Variants in LMAN2 observed in about 807,000 individuals in gnomAD.
The protein encoded by LMAN2 is vesicular integral-membrane protein VIP36.
Under a neutral mutation model 39.3 loss-of-function variants are expected in LMAN2, and 22 were observed. The ratio of observed to expected loss-of-function variants is 0.56; its 90% CI spans 0.40 to 0.80. LMAN2 has a LOEUF of 0.80. Among genes scored for constraint, LMAN2 ranks in the 30% least tolerant of loss-of-function variants. The pLI is 0.00. For missense variants in LMAN2, 494 were observed against 505.4 expected, an observed-to-expected ratio of 0.98 and a Z score of 0.22; for synonymous variants, 207 against 207.8, an observed-to-expected ratio of 1.00 and a Z score of 0.03.
intron 2 of LMAN2, among the ~76,000 whole-genome samples, chr5:177,339,933 CAA>C (rs1761527006): frequency 6.6e-6 from 1 of 152,102 alleles, no homozygotes; most frequent in Non-Finnish European, 1.5e-5. Flanking sequence ...ACCCAGATAA[CAA>C]AACCTAGGCC....
intron 6 of LMAN2, among the ~76,000 whole-genome samples, chr5:177,335,477 C>G (rs1019646937): frequency 1.3e-5 from 2 of 152,240 alleles, no homozygotes; most frequent in East Asian, 3.8e-4. Flanking sequence ...CTCCTCCACT[C>G]TGTGCTGGGC....
Position 177,337,318 on chromosome 5 carries a change from A to G in LMAN2, c.675+45T>C, listed in dbSNP as rs754638192. 5.6e-6 allele frequency: 9 copies of G among 1,611,050 alleles called. No individual in the cohort carries two copies. Among genetic ancestry groups the G allele is most frequent in the Non-Finnish European group, 7.6e-6 (9 of 1,179,624 alleles). The stretch of plus-strand genomic sequence containing the variant: ...TGCCCTCCTGAGCCTCTGTGGGACC[A>G]GCACAGGGCCACCAGCTGCCACCCC... On this transcript the variant is annotated intron_variant, in intron 5 of 7. Coordinates refer to ENST00000303127, the MANE Select transcript of LMAN2 (RefSeq NM_006816.3). The surrounding 1 kb of genome is among the most constrained non-coding windows in gnomAD (Gnocchi z 8.2).
At position 177,334,399 on chromosome 5, in the gene LMAN2, A is replaced by G. The variant is rs144479821; in HGVS notation, c.795T>C (p.Asn265=). The change falls in exon 7 of 8, where the codon AAT becomes AAC. Residue 265 remains asparagine (N), a synonymous_variant. Coordinates refer to ENST00000303127, the MANE Select transcript of LMAN2 (RefSeq NM_006816.3). ...ASAGTGDLSD[N]HDIISMKLFQ... ...ACAGCTTCATGGAGATGATGTCATGATTGTCTGCAGGACCAAGAATAAACC... is the reference window on the plus strand; with the variant it reads ...ACAGCTTCATGGAGATGATGTCATGGTTGTCTGCAGGACCAAGAATAAACC... 1.2e-6 allele frequency: 2 copies of G among 1,612,674 alleles called. No homozygotes were observed. Among genetic ancestry groups the G allele is most frequent in the African/African-American group, 2.7e-5 (2 of 74,928 alleles).
intron 2 of LMAN2, among the ~76,000 whole-genome samples, chr5:177,345,732 CATGCATTTATTTATTTATTT>C (rs1466317935): frequency 1.1e-4 from 13 of 117,070 alleles, no homozygotes; most frequent in Non-Finnish European, 2.0e-4. Context: ...GCAGCCATGG[CATGCATTTATTTATTTATTT>C]ATTTATTTAT....
At chr5:177,342,033 G>A (rs1761562401) in intron 2 of LMAN2, among the ~76,000 whole-genome samples, 1 of 151,872 alleles carries the variant, frequency 6.6e-6, no homozygotes, top group South Asian at 2.1e-4. Context: ...ACAGAGAATA[G>A]GCAATTTGAA....
chr5:177,351,079 CA>C (rs1761715236), intron 2 of LMAN2, 93 bp downstream of exon 2: 1 of 1,104,794 alleles, frequency 9.1e-7, no homozygotes, highest in African/African-American at 1.5e-5. Context: ...GACGGAGGTG[CA>C]AACCTATAAA....
At position 177,331,994 on chromosome 5, in the gene LMAN2, A is replaced by G. The variant is rs1423555670; in HGVS notation, c.*92T>C. 7.8e-7 allele frequency: 1 copy of G among 1,280,404 alleles called. No individual in the cohort carries two copies. The highest frequency in any genetic ancestry group is 1.5e-5 in the African/African-American group (1 of 66,714). The allele number at this position is 1,280,404 out of a possible 1,614,324, so 79.3% of individuals were successfully genotyped here. A position where few individuals can be genotyped will look rare whatever the true frequency, so the allele number is the denominator to read the frequency against. ...CATTTATTTGAAACAGTTAAGAAAT[A>G]AGGTCATCTTGTTGTTCTTTTATAA... On this transcript the variant is annotated 3_prime_UTR_variant, in exon 8 of 8. Transcript: ENST00000303127.
chr5:177,337,320 C>A lies in LMAN2; in HGVS notation c.675+43G>T. ...CCCTCCTGAGCCTCTGTGGGACCAGCACAGGGCCACCAGCTGCCACCCCCA... is the reference window on the plus strand; with the variant it reads ...CCCTCCTGAGCCTCTGTGGGACCAGAACAGGGCCACCAGCTGCCACCCCCA... On this transcript the variant is annotated intron_variant, in intron 5 of 7. Coordinates refer to ENST00000303127, the MANE Select transcript of LMAN2 (RefSeq NM_006816.3). The surrounding 1 kb of genome is among the most constrained non-coding windows in gnomAD (Gnocchi z 8.2). The A allele has an allele frequency of 6.2e-7, 1 of 1,610,852 alleles. No individual in the cohort carries two copies. Among genetic ancestry groups the A allele is most frequent in the Non-Finnish European group, 8.5e-7 (1 of 1,179,612 alleles).
At chr5:177,341,064 C>CTTT (rs1298735934) in intron 2 of LMAN2, among the ~76,000 whole-genome samples, 3 of 108,940 alleles carry the variant, frequency 2.8e-5, no homozygotes, top group African/African-American at 4.0e-5. Flanking sequence ...CTTTTTTTTT[C>CTTT]TTTTTTTTTT....
Position 177,351,025 on chromosome 5 carries a change from C to T in LMAN2, c.315+148G>A, listed in dbSNP as rs545526577. On this transcript the variant is annotated intron_variant, in intron 2 of 7. Coordinates refer to ENST00000303127, the MANE Select transcript of LMAN2 (RefSeq NM_006816.3). ...ATAGTAAGTACCCAATACCCATCGC[C>T]TCTTATTATTGGTGGGTGTGACCGA... 5.5e-6 allele frequency: 4 copies of T among 728,152 alleles called. No individual in the cohort carries two copies. In the South Asian group the frequency reaches 6.0e-5, roughly 11 times the overall value. The allele number at this position is 728,152 out of a possible 1,614,324, so 45.1% of individuals were successfully genotyped here. A position where few individuals can be genotyped will look rare whatever the true frequency, so the allele number is the denominator to read the frequency against.
chr5:177,338,369 C>T (rs912782070), intron 3 of LMAN2, 119 bp downstream of exon 3: 6 of 759,660 alleles, frequency 7.9e-6, no homozygotes, highest in Non-Finnish European at 1.4e-5. Flanking sequence ...ACTTTCCTAA[C>T]AGGAGAGGAG....
At chr5:177,342,944 A>C (rs1761579094) in intron 2 of LMAN2, among the ~76,000 whole-genome samples, 1 of 152,166 alleles carries the variant, frequency 6.6e-6, no homozygotes, top group Non-Finnish European at 1.5e-5. Context: ...ATAAGGGATT[A>C]ATATCTAGAA....
chr5:177,338,608 G>A lies in LMAN2; in HGVS notation c.316-3C>T. ...TCCCAGTCTTTGAGGAAGCACGGCT[G>A]GAGGGAGAGCAGAATGGGCTGCTCA... On this transcript the variant is annotated splice_polypyrimidine_tract_variant and splice_region_variant and intron_variant, in intron 2 of 7. Transcript: ENST00000303127. The A allele has an allele frequency of 6.2e-7, 1 of 1,613,748 alleles. No homozygotes were observed. Among genetic ancestry groups the A allele is most frequent in the African/African-American group, 1.3e-5 (1 of 75,054 alleles).
rs766681477 is a variant in LMAN2 at position 177,351,549 on chromosome 5, G to A, written c.99C>T (p.Leu33=). ...LGPGPGPTTP[L]FLLLLLGSVT... is the part of the protein sequence containing the mutation. ...CAGACCCCAACAACAAAAGAAGAAA[G>A]AGAGGTGTAGTGGGGCCAGGGCCGG... The change falls in exon 1 of 8, where the codon CTC becomes CTT. Residue 33 remains leucine (L), a synonymous_variant. Coordinates refer to ENST00000303127, the MANE Select transcript of LMAN2 (RefSeq NM_006816.3). 1.2e-6 allele frequency: 2 copies of A among 1,614,170 alleles called. No individual in the cohort carries two copies. Among genetic ancestry groups the A allele is most frequent in the Non-Finnish European group, 1.7e-6 (2 of 1,180,062 alleles).
Position 177,351,641 on chromosome 5 carries a change from C to T in LMAN2, c.7G>A (p.Ala3Thr), listed in dbSNP as rs777842414. 9 of 1,590,248 alleles carry T rather than the reference C, an allele frequency of 5.7e-6. No homozygotes were observed. In the East Asian group the frequency reaches 1.3e-4, roughly 24 times the overall value. MA[A>T]EGWIWRWGWG... ...CCCCAACGCCAAATCCAGCCTTCCG[C>T]CGCCATTCTCCTCTCCTCTCGGCCA... The change falls in exon 1 of 8, where the codon GCG becomes ACG. Residue 3 changes from alanine (A) to threonine (T), a missense_variant. Physicochemically the swap from Ala to Thr is moderately conservative, Grantham distance 58 (BLOSUM62 0). Transcript: ENST00000303127.
Position 177,334,538 on chromosome 5 carries a change from G to A in LMAN2, c.791-135C>T, listed in dbSNP as rs549118349. Reference sequence around the variant, plus strand: ...CCCCTGGGGAGAGCACTGCCCAGCCGGCTAGGGCCTGTTTTCTTCCCAGCT... The same window carrying A: ...CCCCTGGGGAGAGCACTGCCCAGCCAGCTAGGGCCTGTTTTCTTCCCAGCT... On this transcript the variant is annotated intron_variant, in intron 6 of 7. Coordinates refer to ENST00000303127, the MANE Select transcript of LMAN2 (RefSeq NM_006816.3). 123 of 1,199,226 alleles carry A rather than the reference G, an allele frequency of 1.0e-4. No homozygotes were observed. The African/African-American group carries it at 1.5e-3, about 14-fold the overall frequency. 74.3% of individuals were successfully genotyped at this position (1,199,226 alleles called of 1,614,324 possible). A position where few individuals can be genotyped will look rare whatever the true frequency, so the allele number is the denominator to read the frequency against.
chr5:177,341,464 G>A (rs1021758577), intron 2 of LMAN2, among the ~76,000 whole-genome samples: 5 of 152,320 alleles, frequency 3.3e-5, no homozygotes, highest in African/African-American at 4.8e-5. Flanking sequence ...GCTTCACGGC[G>A]GGAACAGCGG....
chr5:177,350,149 C>G (rs1014343889), intron 2 of LMAN2, among the ~76,000 whole-genome samples: 12 of 151,814 alleles, frequency 7.9e-5, no homozygotes, highest in African/African-American at 2.7e-4. Flanking sequence ...AGGCTCGGGG[C>G]AGGAAGGAGA....
rs750068132 is a variant in LMAN2, at chr5:177,332,244, T to C, written c.913A>G (p.Asn305Asp). 1.1e-5 allele frequency: 17 copies of C among 1,611,892 alleles called. No homozygotes were observed. The highest frequency in any genetic ancestry group is 1.4e-5 in the Non-Finnish European group (17 of 1,179,522). The change falls in exon 8 of 8, where the codon AAC becomes GAC. Residue 305 changes from asparagine to aspartate, a missense_variant and splice_region_variant. Coordinates refer to ENST00000303127, the MANE Select transcript of LMAN2 (RefSeq NM_006816.3). The surrounding 1 kb of genome is among the most constrained non-coding windows in gnomAD (Gnocchi z 6.3). ...AAGTTCCCCGTGGGGTCGTCCACGTTGTCTGGGGGAGAAGAAACGGGGGAG... is the reference window on the plus strand; with the variant it reads ...AAGTTCCCCGTGGGGTCGTCCACGTCGTCTGGGGGAGAAGAAACGGGGGAG... ...SVNFLKSPKD[N>D]VDDPTGNFRS...
Sources: allele counts gnomAD v4.1 joint callset (sites outside exome capture counted in the v4.1 genomes callset), GRCh38; gene constraint gnomAD v4.1.1; non-coding constraint Gnocchi (gnomAD v3.1); transcripts MANE v1.5; gene names NCBI Gene and HGNC (gene_info 2026-07-23, HGNC 2026-07-21).